Variants in CCDC172 observed in about 807,000 individuals in gnomAD.
CCDC172 encodes the protein coiled-coil domain containing 172.
Under a neutral mutation model 38.0 loss-of-function variants are expected in CCDC172, and 30 were observed. The observed-to-expected ratio is 0.79, with a 90% confidence interval of 0.59 to 1.07. The LOEUF (loss-of-function observed/expected upper bound fraction) is 1.07, where lower values mean the gene tolerates loss of function less well. Ranked by LOEUF, CCDC172 falls within the 50% of genes least tolerant of loss-of-function variation. CCDC172 has a pLI of 0.00. For synonymous variants in CCDC172, 78 were observed against 88.3 expected (o/e 0.88, Z 0.66); for missense variants, 297 against 290.1 (o/e 1.02, Z -0.17).
intron 7 of CCDC172, among the ~76,000 whole-genome samples, chr10:116,358,625 A>G (rs1454958504): frequency 2.0e-5 from 3 of 152,304 alleles, no homozygotes; most frequent in African/African-American, 4.8e-5. Flanking sequence ...TAAATCGTAT[A>G]GGAAATATGT....
At chr10:116,362,454 A>G (rs1845076464) in intron 7 of CCDC172, among the ~76,000 whole-genome samples, 2 of 152,352 alleles carry the variant, frequency 1.3e-5, no homozygotes, top group South Asian at 4.1e-4. Context: ...AATATTCATA[A>G]TTAGACACAC....
At chr10:116,359,357 G>T (rs1845037200) in intron 7 of CCDC172, among the ~76,000 whole-genome samples, 1 of 152,278 alleles carries the variant, frequency 6.6e-6, no homozygotes, top group South Asian at 2.1e-4. Flanking sequence ...TCATCTCTGT[G>T]TTCAAATGTA....
intron 4 of CCDC172, 49 bp from the exon 5 acceptor site, chr10:116,341,987 T>C: frequency 8.2e-7 from 1 of 1,226,608 alleles, no homozygotes; most frequent in Non-Finnish European, 1.1e-6. Flanking sequence ...TAAGGAAAAA[T>C]ATTATTGCAA....
chr10:116,324,915 G>T, intron 1 of CCDC172, 32 bp from the exon 2 acceptor site: 1 of 1,014,120 alleles, frequency 9.9e-7, no homozygotes, highest in Non-Finnish European at 1.5e-6. Context: ...AATGGTTCTA[G>T]AAGAATCCAT....
chr10:116,343,618 T>G (rs1355190162), intron 5 of CCDC172, among the ~76,000 whole-genome samples: 5 of 152,202 alleles, frequency 3.3e-5, no homozygotes, highest in African/African-American at 1.2e-4. Flanking sequence ...CATTCCTTTT[T>G]TTTACTGCCT....
At chr10:116,370,360 G>T (rs1247336074) in intron 7 of CCDC172, among the ~76,000 whole-genome samples, 1 of 151,720 alleles carries the variant, frequency 6.6e-6, no homozygotes, top group Non-Finnish European at 1.5e-5. Flanking sequence ...CATTTCGAGG[G>T]TATTCTTGTA....
At chr10:116,361,034 AT>A in intron 7 of CCDC172, among the ~76,000 whole-genome samples, 1 of 54 alleles carries the variant, frequency 0.019, no homozygotes, top group African/African-American at 0.023. Flanking sequence ...CCCCAAACCT[AT>A]TATTATTATT....
intron 7 of CCDC172, 106 bp downstream of exon 7, chr10:116,358,044 G>A (rs1258565363): frequency 2.2e-5 from 14 of 648,006 alleles, no homozygotes; most frequent in Non-Finnish European, 3.5e-5. Context: ...AGTTCCAGAT[G>A]AGGACATTAT....
intron 3 of CCDC172, among the ~76,000 whole-genome samples, chr10:116,336,242 A>G (rs1844731448): frequency 1.3e-5 from 2 of 148,418 alleles, no homozygotes; most frequent in South Asian, 4.2e-4. Context: ...TTTATATTAT[A>G]TATAATAGTA....
chr10:116,341,010 G>C (rs1844787006), intron 4 of CCDC172, among the ~76,000 whole-genome samples, 160 bp downstream of exon 4: 1 of 152,004 alleles, frequency 6.6e-6, no homozygotes, highest in Non-Finnish European at 1.5e-5. Flanking sequence ...CCAATTGGTA[G>C]AGTAATACAG....
intron 7 of CCDC172, among the ~76,000 whole-genome samples, chr10:116,376,776 G>C (rs1481089807): frequency 2.0e-5 from 3 of 152,096 alleles, no homozygotes; most frequent in Non-Finnish European, 4.4e-5. Context: ...ATACTCAATA[G>C]TTACAGGAAG....
At chr10:116,329,403 T>A (rs1462524658) in intron 3 of CCDC172, among the ~76,000 whole-genome samples, 1 of 152,096 alleles carries the variant, frequency 6.6e-6, no homozygotes, top group African/African-American at 2.4e-5. Context: ...CTGTTTCCTC[T>A]GCTTGAAATG....
intron 4 of CCDC172, 50 bp downstream of exon 4, chr10:116,340,900 G>C (rs376091066): frequency 2.0e-6 from 2 of 984,042 alleles, no homozygotes; most frequent in African/African-American, 3.2e-5. Context: ...ATGTAAAAAA[G>C]TATTCAAATA....
intron 5 of CCDC172, among the ~76,000 whole-genome samples, chr10:116,344,830 C>G (rs1844845205): frequency 1.4e-5 from 2 of 147,712 alleles, no homozygotes; most frequent in Admixed American, 1.4e-4. Context: ...CTACAACTTT[C>G]TTCTATCTTA....
chr10:116,343,532 T>TAA (rs201160691), intron 5 of CCDC172, among the ~76,000 whole-genome samples: 8,435 of 136,550 alleles, frequency 0.062, 740 homozygotes, highest in African/African-American at 0.2. Flanking sequence ...TTTTTTTTTT[T>TAA]AAAAAAATAT....
chr10:116,343,809 T>G (rs528952336), intron 5 of CCDC172, among the ~76,000 whole-genome samples: 1 of 152,320 alleles, frequency 6.6e-6, no homozygotes, highest in African/African-American at 2.4e-5. Context: ...GACAATATTC[T>G]TAAACTTCTT....
chr10:116,367,601 A>G (rs1845137941), intron 7 of CCDC172, among the ~76,000 whole-genome samples: 1 of 151,980 alleles, frequency 6.6e-6, no homozygotes, highest in African/African-American at 2.4e-5. Flanking sequence ...GAGGCAGGAG[A>G]ATGGTGTGAA....
rs192504733 is a variant in CCDC172, at chr10:116,369,594, C to T, written c.654-8829C>T. On this transcript the variant is annotated intron_variant, in intron 7 of 8. Coordinates refer to ENST00000333254, the MANE Select transcript of CCDC172 (RefSeq NM_198515.3). ...ATAATACTTCATTGTAATAGATGTA[C>T]TACAGTTTATGCAACCAGTCTCATA... Among the ~76,000 whole-genome samples, 489 of 152,008 alleles carry T rather than the reference C, an allele frequency of 3.2e-3. 5 individuals are homozygous for T. Among genetic ancestry groups the T allele is most frequent in the African/African-American group, 0.011 (463 of 41,512 alleles).
intron 5 of CCDC172, 58 bp from the exon 6 acceptor site, chr10:116,357,322 C>T: frequency 9.0e-7 from 1 of 1,115,716 alleles, no homozygotes; most frequent in Non-Finnish European, 1.3e-6. Flanking sequence ...TCTTTTACTT[C>T]CGGGGTTAAA....
Sources: gnomAD v4.1 joint callset for allele counts (sites outside exome capture counted in the v4.1 genomes callset) on GRCh38, gnomAD v4.1.1 for gene constraint, MANE v1.5 for transcripts, NCBI Gene and HGNC (gene_info 2026-07-23, HGNC 2026-07-21) for gene names.